Variants in KCNMB2 observed in about 807,000 individuals in gnomAD.
KCNMB2 encodes potassium calcium-activated channel subfamily M regulatory beta subunit 2.
Under a neutral mutation model 24.5 loss-of-function variants are expected in KCNMB2, and 9 were observed. That is an observed-to-expected ratio of 0.37 (90% confidence interval 0.22 to 0.64). The LOEUF (loss-of-function observed/expected upper bound fraction) is 0.64, where lower values mean the gene tolerates loss of function less well. Among genes scored for constraint, KCNMB2 ranks in the 30% least tolerant of loss-of-function variants. The pLI is 0.63. For missense variants in KCNMB2, 226 were observed against 284.3 expected (o/e 0.79, Z 1.47); for synonymous variants, 109 against 104.4 (o/e 1.04, Z -0.27).
chr3:178,824,154 C>T (rs73882875), intron 2 of KCNMB2, among the ~76,000 whole-genome samples: 40,036 of 151,944 alleles, frequency 0.26, 7,059 homozygotes, highest in African/African-American at 0.51. Context: ...CCAGCACTTC[C>T]GCATTTCTTT....
chr3:178,596,081 C>A (rs935436199), intron 1 of KCNMB2, among the ~76,000 whole-genome samples: 10 of 152,074 alleles, frequency 6.6e-5, no homozygotes, highest in Non-Finnish European at 1.3e-4. Flanking sequence ...CCACTTAGCT[C>A]TTGCCACCTT....
intron 1 of KCNMB2, among the ~76,000 whole-genome samples, chr3:178,560,560 C>A (rs1266816127): frequency 6.6e-6 from 1 of 152,224 alleles, no homozygotes; most frequent in East Asian, 1.9e-4. Context: ...ACACCTAGAT[C>A]AATCAACCAG....
rs564076669 is a variant in KCNMB2, at chr3:178,581,050, G to A, written c.-68+44339G>A. Among the ~76,000 whole-genome samples the A allele has an allele frequency of 3.5e-3, 529 of 152,168 alleles. 3 individuals are homozygous for A. Among genetic ancestry groups the A allele is most frequent in the Non-Finnish European group, 4.6e-3 (315 of 67,984 alleles). On this transcript the variant is annotated intron_variant, in intron 1 of 4. Transcript: ENST00000452583. ...TTCATATGGAATCAAAAAAGAGCCC[G>A]TATAGCCAAGACAACCCTTAGCAAA...
At chr3:178,748,729 A>T (rs1723748732) in intron 1 of KCNMB2, among the ~76,000 whole-genome samples, 1 of 152,176 alleles carries the variant, frequency 6.6e-6, no homozygotes, top group African/African-American at 2.4e-5. Flanking sequence ...GAAAATTGAG[A>T]ACCCCGCTAT....
intron 1 of KCNMB2, among the ~76,000 whole-genome samples, chr3:178,621,316 T>A (rs1257445191): frequency 6.6e-6 from 1 of 152,074 alleles, no homozygotes; most frequent in Non-Finnish European, 1.5e-5. Flanking sequence ...CTTTTCTCTG[T>A]TTCTAGAAGG....
rs112267803 is a variant in KCNMB2 at position 178,587,233 on chromosome 3, T to C, written c.-68+50522T>C. 4.0e-4 allele frequency among the ~76,000 whole-genome samples: 61 copies of C among 152,244 alleles called. 1 individual carries two copies. Among genetic ancestry groups the C allele is most frequent in the Middle Eastern group, 3.4e-3 (1 of 294 alleles). On this transcript the variant is annotated intron_variant, in intron 1 of 4. Coordinates refer to ENST00000452583, the MANE Select transcript of KCNMB2 (RefSeq NM_181361.3). ...ACATTTTCCAATCTACTAGGAAAAA[T>C]CTTTTTAAGATATCTTCATTTATTC...
intron 1 of KCNMB2, among the ~76,000 whole-genome samples, chr3:178,555,951 G>A (rs968904816): frequency 6.6e-6 from 1 of 152,160 alleles, no homozygotes; most frequent in African/African-American, 2.4e-5. Flanking sequence ...TTAAACAAAG[G>A]CTCGAATAAG....
intron 1 of KCNMB2, among the ~76,000 whole-genome samples, chr3:178,627,284 T>C (rs1719156909): frequency 1.3e-5 from 2 of 152,150 alleles, no homozygotes. Flanking sequence ...ACAAAGAAAA[T>C]ACTAAGACTA....
At chr3:178,721,628 T>G (rs1722810597) in intron 1 of KCNMB2, among the ~76,000 whole-genome samples, 1 of 152,250 alleles carries the variant, frequency 6.6e-6, no homozygotes, top group Non-Finnish European at 1.5e-5. Flanking sequence ...AAGTGTATGT[T>G]TAACTTTGTA....
chr3:178,671,091 C>A (rs1384430133), intron 1 of KCNMB2, among the ~76,000 whole-genome samples: 2 of 148,310 alleles, frequency 1.3e-5, no homozygotes, highest in Non-Finnish European at 3.0e-5. Context: ...CCACTGCCCC[C>A]CTCACCACCA....
chr3:178,833,355 G>A lies in KCNMB2; in HGVS notation c.423+4982G>A, dbSNP rs146063700. ...TTCCACAATCAGCAAATGCTCCCAG[G>A]GAAAAAAGGCACCAAACATTTGGCT... On this transcript the variant is annotated intron_variant, in intron 4 of 4. Coordinates refer to ENST00000452583, the MANE Select transcript of KCNMB2 (RefSeq NM_181361.3). 3.6e-3 allele frequency among the ~76,000 whole-genome samples: 551 copies of A among 152,080 alleles called. 4 individuals carry two copies. Among genetic ancestry groups the A allele is most frequent in the African/African-American group, 0.012 (517 of 41,502 alleles).
At chr3:178,642,494 A>C (rs887817610) in intron 1 of KCNMB2, among the ~76,000 whole-genome samples, 9 of 152,212 alleles carry the variant, frequency 5.9e-5, no homozygotes, top group South Asian at 2.1e-4. Flanking sequence ...TACTAAGCAC[A>C]ACAGTATGTA....
chr3:178,778,646 A>G (rs1269139249), intron 1 of KCNMB2, among the ~76,000 whole-genome samples: 1 of 152,094 alleles, frequency 6.6e-6, no homozygotes, highest in Admixed American at 6.5e-5. Context: ...GAATTTGCAT[A>G]TAATATTTGA....
At chr3:178,571,880 G>T (rs1293026074) in intron 1 of KCNMB2, among the ~76,000 whole-genome samples, 1 of 152,054 alleles carries the variant, frequency 6.6e-6, no homozygotes, top group Non-Finnish European at 1.5e-5. Flanking sequence ...TTTTACGGCT[G>T]CATAGTATTC....
chr3:178,578,844 C>A (rs1207364341), intron 1 of KCNMB2, among the ~76,000 whole-genome samples: 1 of 152,114 alleles, frequency 6.6e-6, no homozygotes, highest in Non-Finnish European at 1.5e-5. Context: ...TATATATGCA[C>A]CCAATACAGG....
intron 1 of KCNMB2, among the ~76,000 whole-genome samples, chr3:178,796,225 T>G (rs1446449608): frequency 1.3e-5 from 2 of 152,162 alleles, no homozygotes; most frequent in African/African-American, 4.8e-5. Flanking sequence ...ATAATAATTA[T>G]AAATATATGC....
intron 1 of KCNMB2, among the ~76,000 whole-genome samples, chr3:178,665,618 C>T (rs542357643): frequency 2.0e-5 from 3 of 152,198 alleles, no homozygotes; most frequent in East Asian, 1.9e-4. Flanking sequence ...TTAGGCATAA[C>T]AAATATTGGT....
intron 1 of KCNMB2, among the ~76,000 whole-genome samples, chr3:178,687,446 C>T (rs1043508558): frequency 1.3e-5 from 2 of 152,070 alleles, no homozygotes; most frequent in Non-Finnish European, 2.9e-5. Context: ...AGCTTTTAAA[C>T]AAAGACTTTT....
At chr3:178,615,727 T>G (rs1252692490) in intron 1 of KCNMB2, among the ~76,000 whole-genome samples, 1 of 152,222 alleles carries the variant, frequency 6.6e-6, no homozygotes, top group Admixed American at 6.5e-5. Flanking sequence ...AGTAAAATCC[T>G]GGAACTGGGG....
Sources: allele counts gnomAD v4.1 joint callset (sites outside exome capture counted in the v4.1 genomes callset), GRCh38; gene constraint gnomAD v4.1.1; transcripts MANE v1.5; gene names NCBI Gene and HGNC (gene_info 2026-07-23, HGNC 2026-07-21).